The following CENATAC variants were observed in gnomAD, a reference collection of about 807,000 sequenced individuals.
CENATAC encodes the protein centrosomal AT-AC splicing factor, also known as coiled-coil domain containing 84.
CENATAC carries 53 observed loss-of-function variants against 53.7 expected under a neutral mutation model. The ratio of observed to expected loss-of-function variants is 0.99; its 90% CI spans 0.79 to 1.24. The LOEUF (loss-of-function observed/expected upper bound fraction) is 1.24. CENATAC is among the 50% of genes most tolerant of loss of function. The pLI is 0.00. For missense variants in CENATAC, 474 were observed against 417.8 expected, an observed-to-expected ratio of 1.13 and a Z score of -1.17; for synonymous variants, 156 against 144.6, an observed-to-expected ratio of 1.08 and a Z score of -0.57.
intron 5 of CENATAC, among the ~76,000 whole-genome samples, chr11:119,011,561 T>C (rs1942873199): frequency 1.3e-5 from 2 of 152,286 alleles, no homozygotes; most frequent in Non-Finnish European, 2.9e-5. Context: ...ATATTTTTAA[T>C]AGAGGTGGTG....
At position 119,015,520 on chromosome 11, in the gene CENATAC, C is replaced by T. The variant is rs1565673657; in HGVS notation, c.939-18C>T. 1.1e-5 allele frequency: 18 copies of T among 1,614,160 alleles called. No individual in the cohort carries two copies. In the East Asian group the frequency reaches 3.8e-4, roughly 34 times the overall value. On this transcript the variant is annotated intron_variant, in intron 10 of 10. Coordinates refer to ENST00000334418, the MANE Select transcript of CENATAC (RefSeq NM_198489.3). ...ATGTCACCCTTCATCATCGTGTTAA[C>T]CCTTTATTTCCTTTCAGACATCAAT... is the stretch of plus-strand genomic sequence containing the variant.
rs568817363 is a variant in CENATAC, at chr11:119,015,564, C to G, written c.965C>G (p.Ala322Gly). The G allele has an allele frequency of 2.5e-6, 4 of 1,614,074 alleles. No homozygotes were observed. In the East Asian group the frequency reaches 8.9e-5, roughly 36 times the overall value. Residue 322 changes from alanine (A) to glycine (G), a missense_variant, in exon 11 of 11, where the codon GCA becomes GGA. Transcript: ENST00000334418. ...SRHQFKTEAAAMKKQSHTEKS is the reference protein window; with the variant it reads ...SRHQFKTEAAGMKKQSHTEKS ...CATCAATTCAAAACTGAAGCTGCAGCAATGAAGAAGCAGTCACATACAGAA... is the reference window on the plus strand; with the variant it reads ...CATCAATTCAAAACTGAAGCTGCAGGAATGAAGAAGCAGTCACATACAGAA...
chr11:119,010,526 G>C, intron 3 of CENATAC: 2 of 514,478 alleles, frequency 3.9e-6, no homozygotes, highest in Non-Finnish European at 6.9e-6. Flanking sequence ...TGAAAATAGG[G>C]TTTGACGTCT....
chr11:119,000,437 CTT>C (rs138391837), intron 3 of CENATAC, among the ~76,000 whole-genome samples: 3,071 of 132,004 alleles, frequency 0.023, 104 homozygotes, highest in African/African-American at 0.078. Context: ...CATGAATTTC[CTT>C]TTTTTTTTTT....
chr11:119,013,744 T>C (rs1942991604), intron 8 of CENATAC, among the ~76,000 whole-genome samples: 1 of 151,632 alleles, frequency 6.6e-6, no homozygotes, highest in African/African-American at 2.4e-5. Flanking sequence ...ATTACAGGCA[T>C]GAGCCACCGT....
intron 3 of CENATAC, among the ~76,000 whole-genome samples, chr11:119,005,383 G>A (rs1256628055): frequency 1.3e-5 from 2 of 151,066 alleles, no homozygotes; most frequent in Non-Finnish European, 2.9e-5. Context: ...GGAGAATGGC[G>A]TGAACCCAGG....
intron 4 of CENATAC, 123 bp from the exon 5 acceptor site, chr11:119,011,098 C>A: frequency 1.3e-6 from 1 of 789,068 alleles, no homozygotes. Flanking sequence ...AGCCTGCTTC[C>A]TGACAGGCCA....
rs1390891414 is a variant in CENATAC, at chr11:119,012,223, C to T, written c.653C>T (p.Thr218Ile). 6.2e-7 allele frequency: 1 copy of T among 1,614,120 alleles called. No individual in the cohort carries two copies. Among genetic ancestry groups the T allele is most frequent in the Non-Finnish European group, 8.5e-7 (1 of 1,180,018 alleles). The change falls in exon 7 of 11, where the codon ACA becomes ATA. Residue 218 changes from threonine (T) to isoleucine (I), a missense_variant. Transcript: ENST00000334418. ...GCTCCAGAGCTTGACTGGATGGAGA[C>T]AGGACCATCTCTGACATTCATTGGC... ...PPAPELDWME[T>I]GPSLTFIGHQ... is the part of the protein sequence containing the mutation.
At position 118,999,017 on chromosome 11, in the gene CENATAC, G is replaced by T; in HGVS notation, c.291G>T (p.Glu97Asp). The T allele has an allele frequency of 6.2e-7, 1 of 1,613,194 alleles. No homozygotes were observed. ...GGLLEHLASP[E>D]HKKATNKFWW... ...TTATCCTCTCCATTTTCAGCCCAGA[G>T]CACAAGAAAGCAACCAACAAATTCT... The change falls in exon 3 of 11, where the codon GAG becomes GAT. Residue 97 changes from glutamate (E) to aspartate (D), a missense_variant. Physicochemically the swap from Glu to Asp is conservative, Grantham distance 45. Transcript: ENST00000334418.
rs189873299 is a variant in CENATAC, at chr11:119,010,799, A to T, written c.419A>T (p.Tyr140Phe). The T allele has an allele frequency of 1.2e-6, 2 of 1,614,028 alleles. No homozygotes were observed. The highest frequency in any genetic ancestry group is 2.7e-5 in the African/African-American group (2 of 74,910). The change falls in exon 4 of 11, where the codon TAT becomes TTT. Residue 140 changes from tyrosine (Y) to phenylalanine (F), a missense_variant. By Grantham distance (22) the Tyr-to-Phe change is conservative (BLOSUM62 3). Coordinates refer to ENST00000334418, the MANE Select transcript of CENATAC (RefSeq NM_198489.3). ...TCCATGGTGAAAGGTTTGGATTCCT[A>T]TGAAGAAAAGGAGGATAAAGTGATC... Reference protein sequence around the residue: ...KKSMVKGLDSYEEKEDKVIKE... With the variant: ...KKSMVKGLDSFEEKEDKVIKE...
At chr11:118,998,804 G>C (rs1037883969) in intron 2 of CENATAC, among the ~76,000 whole-genome samples, 15 of 152,130 alleles carry the variant, frequency 9.9e-5, no homozygotes, top group Admixed American at 6.6e-4. Flanking sequence ...GAGCCCGCTT[G>C]GTTACCGCCC....
At chr11:119,009,021 C>T (rs1942742890) in intron 3 of CENATAC, among the ~76,000 whole-genome samples, 2 of 152,190 alleles carry the variant, frequency 1.3e-5, no homozygotes, top group African/African-American at 4.8e-5. Context: ...TCAACAACAT[C>T]TCAGCAAAGC....
chr11:119,009,428 A>T (rs1464533263), intron 3 of CENATAC: 1 of 152,202 alleles, frequency 6.6e-6, no homozygotes, highest in Non-Finnish European at 1.5e-5. Flanking sequence ...CGCCTGGCTT[A>T]AATGATTTTT....
At chr11:119,003,294 G>GTC (rs781947833) in intron 3 of CENATAC, 2 of 527,052 alleles carry the variant, frequency 3.8e-6, no homozygotes, top group Non-Finnish European at 7.5e-6. Context: ...TGCCTCCGGA[G>GTC]TCGCAATGTC....
Position 119,015,523 on chromosome 11 carries a change from T to G in CENATAC, c.939-15T>G. On this transcript the variant is annotated splice_polypyrimidine_tract_variant and intron_variant, in intron 10 of 10. Coordinates refer to ENST00000334418, the MANE Select transcript of CENATAC (RefSeq NM_198489.3). ...TCACCCTTCATCATCGTGTTAACCC[T>G]TTATTTCCTTTCAGACATCAATTCA... 6.2e-7 allele frequency: 1 copy of G among 1,613,706 alleles called. No individual in the cohort carries two copies. Among genetic ancestry groups the G allele is most frequent in the Non-Finnish European group, 8.5e-7 (1 of 1,179,596 alleles).
At chr11:119,003,727 T>C (rs535796174) in intron 3 of CENATAC, 1 of 168,692 alleles carries the variant, frequency 5.9e-6, no homozygotes, top group South Asian at 1.5e-4. Context: ...CAAGCGATTC[T>C]CCTGCCTCAG....
intron 3 of CENATAC, chr11:119,003,784 A>C (rs1383654196): frequency 6.4e-6 from 1 of 156,326 alleles, no homozygotes; most frequent in Non-Finnish European, 1.4e-5. Flanking sequence ...ACACCTGGCT[A>C]ATTTTTGTAA....
rs1474818140 is a variant in CENATAC at position 118,999,206 on chromosome 11, G to A, written c.383+97G>A. ...TCTATTAACTGGAAAGTTCAGGAGG[G>A]ACTTACGAAGAATCTGCTGTCTTCA... On this transcript the variant is annotated intron_variant, in intron 3 of 10. Coordinates refer to ENST00000334418, the MANE Select transcript of CENATAC (RefSeq NM_198489.3). The A allele has an allele frequency of 9.4e-6, 8 of 853,662 alleles. No homozygotes were observed. In the Admixed American group the frequency reaches 1.4e-4, roughly 15 times the overall value. The allele number at this position is 853,662 out of a possible 1,614,324, so 52.9% of individuals were successfully genotyped here.
At chr11:119,005,126 C>G (rs868315825) in intron 3 of CENATAC, among the ~76,000 whole-genome samples, 2 of 151,772 alleles carry the variant, frequency 1.3e-5, no homozygotes, top group Admixed American at 1.3e-4. Context: ...GAAGAAAACA[C>G]GGAGGAGTCT....
Sources: gnomAD v4.1 joint callset for allele counts (sites outside exome capture counted in the v4.1 genomes callset) on GRCh38, gnomAD v4.1.1 for gene constraint, MANE v1.5 for transcripts, NCBI Gene and HGNC (gene_info 2026-07-23, HGNC 2026-07-21) for gene names.